The following SNX5 variants were observed in gnomAD, a reference collection of about 807,000 sequenced individuals.
The protein encoded by SNX5 is sorting nexin-5.
SNX5 carries 31 observed loss-of-function variants against 53.9 expected under a neutral mutation model. The ratio of observed to expected loss-of-function variants is 0.58; its 90% CI spans 0.43 to 0.78. The LOEUF (loss-of-function observed/expected upper bound fraction) is 0.78. Ranked by LOEUF, SNX5 falls within the 30% of genes least tolerant of loss-of-function variation. The pLI, the probability that SNX5 is intolerant of heterozygous loss-of-function variation, is 0.00. For synonymous variants in SNX5, 168 were observed against 171.1 expected (o/e 0.98, Z 0.14); for missense variants, 471 against 478.8 (o/e 0.98, Z 0.15).
rs903730066 is a variant in SNX5, at chr20:17,968,756, G to C, written c.-331C>G. On this transcript the variant is annotated 5_prime_UTR_variant, in exon 1 of 13. Coordinates refer to ENST00000377759, the MANE Select transcript of SNX5 (RefSeq NM_014426.4). ...CGCAGGGCCGCGACACGGACGGGAA[G>C]CAACGGACACTCTCCCAGCAAGACG... The C allele has an allele frequency of 2.7e-6, 1 of 368,672 alleles. No homozygotes were observed. Among genetic ancestry groups the C allele is most frequent in the African/African-American group, 2.2e-5 (1 of 46,500 alleles). 22.8% of individuals were successfully genotyped at this position (368,672 alleles called of 1,614,324 possible).
At chr20:17,956,641 T>C in intron 2 of SNX5, among the ~76,000 whole-genome samples, 1 of 129,784 alleles carries the variant, frequency 7.7e-6, no homozygotes. Flanking sequence ...TGCCACTTCA[T>C]TCCAGCCTGG....
intron 1 of SNX5, among the ~76,000 whole-genome samples, chr20:17,965,283 A>G (rs751596592): frequency 4.6e-5 from 7 of 152,184 alleles, no homozygotes; most frequent in Non-Finnish European, 1.0e-4. Context: ...CCCAGAGGGC[A>G]CTCCTCAACA....
chr20:17,951,426 T>A, intron 6 of SNX5, 74 bp downstream of exon 6: 1 of 840,362 alleles, frequency 1.2e-6, no homozygotes, highest in Non-Finnish European at 2.0e-6. Flanking sequence ...CACAAGTATC[T>A]CTTTCAAAGA....
intron 12 of SNX5, chr20:17,942,619 C>A: frequency 1.7e-6 from 1 of 588,426 alleles, no homozygotes; most frequent in East Asian, 2.9e-5. Flanking sequence ...GGTAAGGCTA[C>A]CAGCCAAAGA....
chr20:17,959,848 T>C (rs1189311127), intron 1 of SNX5, among the ~76,000 whole-genome samples: 1 of 152,160 alleles, frequency 6.6e-6, no homozygotes, highest in African/African-American at 2.4e-5. Flanking sequence ...TCCACAGTGC[T>C]ACAGAACTTG....
rs1207947801 is a variant in SNX5, at chr20:17,947,525, A to T, written c.1039T>A (p.Cys347Ser). The T allele has an allele frequency of 6.2e-7, 1 of 1,613,744 alleles. No homozygotes were observed. Among genetic ancestry groups the T allele is most frequent in the Non-Finnish European group, 8.5e-7 (1 of 1,179,802 alleles). ...KLAEAHQQEC[C>S]QKFEQLSESA... ...TCGGAAAGTTGTTCAAATTTCTGGC[A>T]GCACTCCTGCTGGTGTGCCTCAGCC... Residue 347 changes from cysteine (C) to serine (S), a missense_variant, in exon 11 of 13, where the codon TGC becomes AGC. Cys to Ser is a moderately radical substitution (Grantham distance 112). Transcript: ENST00000377759.
At chr20:17,944,166 A>C (rs1382880810) in intron 11 of SNX5, 1 of 152,196 alleles carries the variant, frequency 6.6e-6, no homozygotes, top group Non-Finnish European at 1.5e-5. Flanking sequence ...GAACAGAATG[A>C]TGGTTATCAG....
intron 2 of SNX5, among the ~76,000 whole-genome samples, chr20:17,956,087 T>C (rs1389202132): frequency 3.9e-5 from 6 of 152,174 alleles, no homozygotes; most frequent in South Asian, 2.1e-4. Flanking sequence ...CCAAATTCTA[T>C]TTTTGTAAGT....
At position 17,952,817 on chromosome 20, in the gene SNX5, T is replaced by G. The variant is rs1022990616; in HGVS notation, c.390-107A>C. 5 of 1,320,190 alleles carry G rather than the reference T, an allele frequency of 3.8e-6. No homozygotes were observed. The African/African-American group carries it at 7.4e-5, about 19-fold the overall frequency. 81.8% of individuals were successfully genotyped at this position (1,320,190 alleles called of 1,614,324 possible). ...CTGCTCATGCCACCACATAAAACACTGCAACTGGACCAAACAGTATTTCAG... is the reference window on the plus strand; with the variant it reads ...CTGCTCATGCCACCACATAAAACACGGCAACTGGACCAAACAGTATTTCAG... On this transcript the variant is annotated intron_variant, in intron 4 of 12. Transcript: ENST00000377759.
chr20:17,950,774 G>C (rs1436892428), intron 6 of SNX5, among the ~76,000 whole-genome samples: 2 of 152,142 alleles, frequency 1.3e-5, no homozygotes, highest in Non-Finnish European at 2.9e-5. Context: ...AGGAAATCCT[G>C]GTATCTGGTA....
At chr20:17,948,181 A>C (rs1396496393) in intron 10 of SNX5, among the ~76,000 whole-genome samples, 1 of 152,276 alleles carries the variant, frequency 6.6e-6, no homozygotes, top group East Asian at 1.9e-4. Flanking sequence ...TACACATTTA[A>C]AACTAGGTGA....
At chr20:17,963,088 A>G (rs2035484586) in intron 1 of SNX5, 2 of 354,608 alleles carry the variant, frequency 5.6e-6, no homozygotes, top group East Asian at 7.5e-5. Flanking sequence ...CACAAAGCAA[A>G]ACAGCTGAAC....
intron 11 of SNX5, among the ~76,000 whole-genome samples, chr20:17,945,985 T>A (rs969035696): frequency 6.6e-6 from 1 of 152,236 alleles, no homozygotes; most frequent in African/African-American, 2.4e-5. Context: ...CCACTACAAC[T>A]ACTCACATTC....
At chr20:17,963,377 G>A (rs2035488899) in intron 1 of SNX5, among the ~76,000 whole-genome samples, 1 of 152,194 alleles carries the variant, frequency 6.6e-6, no homozygotes, top group South Asian at 2.1e-4. Flanking sequence ...GAGGTGGGAA[G>A]ATCACTTGAG....
Position 17,951,502 on chromosome 20 carries a change from T to TA in SNX5, c.606dup (p.Lys203Ter). 1 of 1,607,004 alleles carries TA rather than the reference T, an allele frequency of 6.2e-7. No homozygotes were observed. The highest frequency in any genetic ancestry group is 8.5e-7 in the Non-Finnish European group (1 of 1,175,310). ...TCCAACAGCCAAAGGTCACTTACCT[T>TA]AACTCCAGTAAAAAGGACTTCATCA... On this transcript the variant is annotated frameshift_variant, in exon 6 of 13. Coordinates refer to ENST00000377759, the MANE Select transcript of SNX5 (RefSeq NM_014426.4). LOFTEE classifies it high-confidence loss of function.
chr20:17,956,639 C>T (rs1381198621), intron 2 of SNX5, among the ~76,000 whole-genome samples: 1 of 127,012 alleles, frequency 7.9e-6, no homozygotes, highest in African/African-American at 2.9e-5. Flanking sequence ...GGTGCCACTT[C>T]ATTCCAGCCT....
intron 12 of SNX5, chr20:17,942,740 C>A: frequency 2.7e-6 from 1 of 373,180 alleles, no homozygotes; most frequent in East Asian, 5.4e-5. Flanking sequence ...AAGGCAAGGG[C>A]CTTGGAAAGA....
At chr20:17,947,785 T>C (rs1193404053) in intron 10 of SNX5, 140 bp from the exon 11 acceptor site, 4 of 690,448 alleles carry the variant, frequency 5.8e-6, no homozygotes, top group African/African-American at 5.6e-5. Flanking sequence ...TTTTTAAATC[T>C]CCAGCTTCGC....
In SNX5 at chr20:17,968,508, T is replaced by G. The variant is rs374905911; in HGVS notation, c.-83A>C. On this transcript the variant is annotated 5_prime_UTR_variant, in exon 1 of 13. Transcript: ENST00000377759. ...CCGCCGCCGCCGCCGCCTGGGCGCC[T>G]CTCGGGGGCGGCCACGGCCCCGCCT... The G allele has an allele frequency of 4.9e-4, 579 of 1,193,644 alleles. 11 individuals carry two copies. In the South Asian group the frequency reaches 0.014, roughly 28 times the overall value. The allele number at this position is 1,193,644 out of a possible 1,614,324, so 73.9% of individuals were successfully genotyped here. A position where few individuals can be genotyped will look rare whatever the true frequency, so the allele number is the denominator to read the frequency against.
Sources: gnomAD v4.1 joint callset for allele counts (sites outside exome capture counted in the v4.1 genomes callset) on GRCh38, gnomAD v4.1.1 for gene constraint, MANE v1.5 for transcripts, NCBI Gene and HGNC (gene_info 2026-07-23, HGNC 2026-07-21) for gene names.